SLFN5: variants seen among roughly 807,000 people sequenced by gnomAD.
The protein encoded by SLFN5 is schlafen family member 5.
SLFN5 carries 34 observed loss-of-function variants against 48.5 expected under a neutral mutation model. That is an observed-to-expected ratio of 0.70 (90% CI 0.53 to 0.93). SLFN5 has a LOEUF of 0.93. Among genes scored for constraint, SLFN5 ranks in the 40% least tolerant of loss-of-function variants. The probability of loss-of-function intolerance (pLI) is 0.00; values close to 1 mark genes in which losing one functional copy is unlikely to be tolerated. For synonymous variants in SLFN5, 387 were observed against 396.2 expected (o/e 0.98, Z 0.28); for missense variants, 1,006 against 1,071.3 (o/e 0.94, Z 0.85).
rs1244903025 is a variant in SLFN5, at chr17:35,265,744, T to A, written c.2532T>A (p.Ser844Arg). Residue 844 changes from serine to arginine, a missense_variant, in exon 5 of 5, where the codon AGT becomes AGA. By Grantham distance (110) the Ser-to-Arg change is moderately radical (BLOSUM62 -1). Coordinates refer to ENST00000299977, the MANE Select transcript of SLFN5 (RefSeq NM_144975.4). ...TAACCGATCACATTGTGTTGGACAG[T>A]GTCTGTCGATTTTCAGGCCTGGAAA... is the stretch of plus-strand genomic sequence containing the variant. Reference protein sequence around the residue: ...DVLTDHIVLDSVCRFSGLERN... With the variant: ...DVLTDHIVLDRVCRFSGLERN... The A allele has an allele frequency of 5.0e-6, 8 of 1,614,208 alleles. No homozygotes were observed. The highest frequency in any genetic ancestry group is 6.8e-6 in the Non-Finnish European group (8 of 1,180,018).
chr17:35,264,196 A>G lies in SLFN5; in HGVS notation c.1152A>G (p.Arg384=), dbSNP rs1193132445. 1 of 1,596,430 alleles carries G rather than the reference A, an allele frequency of 6.3e-7. No individual in the cohort carries two copies. ...TTCCCTGTCTAGTATTTTCAGACAG[A>G]GTGGTATATACTCCAGAAAGCCTCT... is the stretch of plus-strand genomic sequence containing the variant. The part of the protein sequence containing the change: ...QKRYFPVFSD[R]VVYTPESLYK... Residue 384 remains arginine, a synonymous_variant, in exon 4 of 5, where the codon AGA becomes AGG. Transcript: ENST00000299977.
chr17:35,258,922 G>A lies in SLFN5; in HGVS notation c.232G>A (p.Val78Met). 1 of 1,614,242 alleles carries A rather than the reference G, an allele frequency of 6.2e-7. No homozygotes were observed. The highest frequency in any genetic ancestry group is 1.3e-5 in the African/African-American group (1 of 75,058). ...TGAACGTCATGGAGTAGGATTGGAT[G>A]TGCCTCCAATTTTCAGAAGCCATTT... is the stretch of plus-strand genomic sequence containing the variant. ...NYERHGVGLDVPPIFRSHLDK... is the reference protein window; with the variant it reads ...NYERHGVGLDMPPIFRSHLDK... Residue 78 changes from valine (V) to methionine (M), a missense_variant, in exon 2 of 5, where the codon GTG becomes ATG. Coordinates refer to ENST00000299977, the MANE Select transcript of SLFN5 (RefSeq NM_144975.4).
chr17:35,271,999 T>G lies in SLFN5; in HGVS notation c.*6111T>G, dbSNP rs374757530. The G allele has an allele frequency of 2.0e-5, 3 of 151,210 alleles. No homozygotes were observed. The highest frequency in any genetic ancestry group is 2.1e-4 in the South Asian group (1 of 4,788). 9.4% of individuals were successfully genotyped at this position (151,210 alleles called of 1,614,324 possible). A position where few individuals can be genotyped will look rare whatever the true frequency, so the allele number is the denominator to read the frequency against. ...GTGAGCCAAAATCACATCACTGCAC[T>G]CCAGTCTGGGCAGCCAGAGTGAGAC... On this transcript the variant is annotated 3_prime_UTR_variant, in exon 5 of 5. Transcript: ENST00000299977.
chr17:35,271,537 T>C lies in SLFN5; in HGVS notation c.*5649T>C, dbSNP rs758552548. The C allele has an allele frequency of 3.9e-5, 6 of 152,142 alleles. No individual in the cohort carries two copies. Among genetic ancestry groups the C allele is most frequent in the African/African-American group, 1.4e-4 (6 of 41,448 alleles). 9.4% of individuals were successfully genotyped at this position (152,142 alleles called of 1,614,324 possible). A position where few individuals can be genotyped will look rare whatever the true frequency, so the allele number is the denominator to read the frequency against. ...TAAGAATAACTGCAACAAGAAAATA[T>C]AAGTTCTGCAACAATAAAACTATAC... On this transcript the variant is annotated 3_prime_UTR_variant, in exon 5 of 5. Coordinates refer to ENST00000299977, the MANE Select transcript of SLFN5 (RefSeq NM_144975.4).
chr17:35,258,435 GC>G (rs923173741), intron 1 of SLFN5, among the ~76,000 whole-genome samples: 10 of 152,064 alleles, frequency 6.6e-5, no homozygotes, highest in African/African-American at 2.2e-4. Flanking sequence ...GGGGGAAACT[GC>G]CCCCCATGAC....
rs142603845 is a variant in SLFN5, at chr17:35,264,262, A to G, written c.1218A>G (p.Leu406=). 3 of 1,614,062 alleles carry G rather than the reference A, an allele frequency of 1.9e-6. No individual in the cohort carries two copies. Among genetic ancestry groups the G allele is most frequent in the African/African-American group, 2.7e-5 (2 of 74,936 alleles). The change falls in exon 4 of 5, where the codon TTA becomes TTG. Residue 406 remains leucine, a synonymous_variant. Coordinates refer to ENST00000299977, the MANE Select transcript of SLFN5 (RefSeq NM_144975.4). ...CACAACATAAAGGACTCAGAGACTT[A>G]ATAAATACAGAAATGCGCCCTTTCT... is the stretch of plus-strand genomic sequence containing the variant. ...LFSQHKGLRD[L]INTEMRPFSQ... is the part of the protein sequence containing the mutation.
chr17:35,252,513 G>A (rs1305020801), intron 1 of SLFN5, among the ~76,000 whole-genome samples: 1 of 152,106 alleles, frequency 6.6e-6, no homozygotes, highest in African/African-American at 2.4e-5. Flanking sequence ...AAATTCTAAT[G>A]TCATCTTTTG....
At chr17:35,256,835 G>C (rs1445530447) in intron 1 of SLFN5, among the ~76,000 whole-genome samples, 1 of 152,062 alleles carries the variant, frequency 6.6e-6, no homozygotes, top group Non-Finnish European at 1.5e-5. Context: ...TCTACACCAG[G>C]GGTCCCCCTG....
intron 1 of SLFN5, among the ~76,000 whole-genome samples, chr17:35,256,644 G>A (rs1904350944): frequency 6.6e-6 from 1 of 151,996 alleles, no homozygotes; most frequent in South Asian, 2.1e-4. Flanking sequence ...TTGAACTCAG[G>A]GTTTCCTCAT....
chr17:35,261,036 C>G lies in SLFN5; in HGVS notation c.1078C>G (p.Pro360Ala), dbSNP rs769491192. The change falls in exon 3 of 5, where the codon CCT becomes GCT. Residue 360 changes from proline (P) to alanine (A), a missense_variant. Physicochemically the swap from Pro to Ala is conservative, Grantham distance 27. Transcript: ENST00000299977. ...SLSSATPRSK[P>A]VCIHKNSECL... ...GTCATCTGCCACGCCCCGCAGCAAG[C>G]CTGTGTGCATTCATAAGAATTCGGA... 56 of 1,613,888 alleles carry G rather than the reference C, an allele frequency of 3.5e-5. 1 individual carries two copies. Among genetic ancestry groups the G allele is most frequent in the South Asian group, 8.8e-5 (8 of 91,078 alleles).
intron 2 of SLFN5, among the ~76,000 whole-genome samples, chr17:35,260,712 AT>A (rs1426483424): frequency 2.0e-5 from 3 of 152,202 alleles, no homozygotes; most frequent in Non-Finnish European, 2.9e-5. Context: ...GACTGTTTCA[AT>A]AAATAAATAA....
At position 35,259,124 on chromosome 17, in the gene SLFN5, C is replaced by T. The variant is rs150596834; in HGVS notation, c.434C>T (p.Thr145Met). Reference protein sequence around the residue: ...AFLKCRTQTPTNINVSNSLGP... With the variant: ...AFLKCRTQTPMNINVSNSLGP... ...CTCAAATGCAGGACTCAGACTCCAA[C>T]GAATATTAATGTTTCCAATTCATTA... Residue 145 changes from threonine (T) to methionine (M), a missense_variant, in exon 2 of 5, where the codon ACG (threonine) becomes ATG (methionine). Coordinates refer to ENST00000299977, the MANE Select transcript of SLFN5 (RefSeq NM_144975.4). The T allele has an allele frequency of 1.4e-4, 218 of 1,614,110 alleles. No individual in the cohort carries two copies. The African/African-American group carries it at 2.2e-3, about 16-fold the overall frequency.
In SLFN5 at chr17:35,265,433, T is replaced by A. The variant is rs1289566216; in HGVS notation, c.2221T>A (p.Ser741Thr). 6.2e-7 allele frequency: 1 copy of A among 1,614,058 alleles called. No individual in the cohort carries two copies. Among genetic ancestry groups the A allele is most frequent in the Non-Finnish European group, 8.5e-7 (1 of 1,180,032 alleles). Residue 741 changes from serine (S) to threonine (T), a missense_variant, in exon 5 of 5, where the codon TCC (serine) becomes ACC (threonine). By Grantham distance (58) the Ser-to-Thr change is moderately conservative. Coordinates refer to ENST00000299977, the MANE Select transcript of SLFN5 (RefSeq NM_144975.4). ...TCCTCCACCTAACCTCCCCCCTGGG[T>A]CCCTGGTGATGCTCTATGAACCTAA... is the stretch of plus-strand genomic sequence containing the variant. ...QNPPPNLPPG[S>T]LVMLYEPKWA...
In SLFN5 at chr17:35,265,227, C is replaced by T; in HGVS notation, c.2015C>T (p.Ala672Val). 1.2e-6 allele frequency: 2 copies of T among 1,614,202 alleles called. No homozygotes were observed. Among genetic ancestry groups the T allele is most frequent in the Non-Finnish European group, 1.7e-6 (2 of 1,180,044 alleles). The stretch of plus-strand genomic sequence containing the variant: ...AAAGCAAAGTTCATCACTCAGACAG[C>T]AAGGGATGGCCCAGGAGTTCTCTGG... ...YGKAKFITQT[A>V]RDGPGVLWIF... Residue 672 changes from alanine (A) to valine (V), a missense_variant, in exon 5 of 5, where the codon GCA becomes GTA. Physicochemically the swap from Ala to Val is moderately conservative, Grantham distance 64. Transcript: ENST00000299977.
chr17:35,261,148 A>G (rs1904509968), intron 3 of SLFN5, 52 bp downstream of exon 3: 4 of 1,586,132 alleles, frequency 2.5e-6, no homozygotes, highest in Non-Finnish European at 3.4e-6. Flanking sequence ...TCATTCATAT[A>G]AAAAATTGAC....
In SLFN5 at chr17:35,270,278, T is replaced by C. The variant is rs1904798468; in HGVS notation, c.*4390T>C. On this transcript the variant is annotated 3_prime_UTR_variant, in exon 5 of 5. Transcript: ENST00000299977. The stretch of plus-strand genomic sequence containing the variant: ...TCAGTATTGCTAGAATTAATTTTAT[T>C]GACTTTGCCCCTTTGCATAAAGACC... The C allele has an allele frequency of 1.3e-5, 2 of 152,226 alleles. No individual in the cohort carries two copies. Among genetic ancestry groups the C allele is most frequent in the African/African-American group, 4.8e-5 (2 of 41,452 alleles). 9.4% of individuals were successfully genotyped at this position (152,226 alleles called of 1,614,324 possible). A position where few individuals can be genotyped will look rare whatever the true frequency, so the allele number is the denominator to read the frequency against.
At chr17:35,263,561 G>T (rs1395876477) in intron 3 of SLFN5, among the ~76,000 whole-genome samples, 1 of 151,960 alleles carries the variant, frequency 6.6e-6, no homozygotes, top group Non-Finnish European at 1.5e-5. Flanking sequence ...GGTGACGCAC[G>T]CCTGTGATCC....
intron 1 of SLFN5, among the ~76,000 whole-genome samples, chr17:35,255,104 G>A (rs1171119964): frequency 6.7e-6 from 1 of 149,056 alleles, no homozygotes; most frequent in Non-Finnish European, 1.5e-5. Flanking sequence ...GGTGAAGGAG[G>A]TACAGACATC....
intron 1 of SLFN5, among the ~76,000 whole-genome samples, chr17:35,251,220 A>G (rs2092441605): frequency 6.6e-6 from 1 of 152,164 alleles, no homozygotes; most frequent in Non-Finnish European, 1.5e-5. Flanking sequence ...AAACCATGAA[A>G]ACCCCATTAT....
Sources: allele counts gnomAD v4.1 joint callset (sites outside exome capture counted in the v4.1 genomes callset), GRCh38; gene constraint gnomAD v4.1.1; transcripts MANE v1.5; gene names NCBI Gene and HGNC (gene_info 2026-07-23, HGNC 2026-07-21).